The following CNPY3 variants were observed in gnomAD, a reference collection of about 807,000 sequenced individuals.
CNPY3 encodes protein canopy homolog 3.
Under a neutral mutation model 32.0 loss-of-function variants are expected in CNPY3, and 20 were observed. That is an observed-to-expected ratio of 0.63 (90% CI 0.44 to 0.91). The LOEUF is 0.91. Ranked by LOEUF, CNPY3 falls within the 40% of genes least tolerant of loss-of-function variation. The probability of loss-of-function intolerance (pLI) is 0.00; values close to 1 mark genes in which losing one functional copy is unlikely to be tolerated. For synonymous variants in CNPY3, 138 were observed against 142.9 expected (o/e 0.97, Z 0.24); for missense variants, 299 against 340.8 (o/e 0.88, Z 0.97).
intron 1 of CNPY3, 39 bp from the exon 2 acceptor site, chr6:42,934,436 C>T (rs1460694430): frequency 1.2e-6 from 2 of 1,612,770 alleles, no homozygotes; most frequent in African/African-American, 2.7e-5. Context: ...CCATTAGACT[C>T]ATGTGCACTC....
At chr6:42,937,516 C>G (rs1055297487) in intron 3 of CNPY3, among the ~76,000 whole-genome samples, 1 of 151,942 alleles carries the variant, frequency 6.6e-6, no homozygotes, top group Non-Finnish European at 1.5e-5. Flanking sequence ...ATCGCTTGAA[C>G]CTGGGAGGCA....
At chr6:42,929,394 T>G (rs576990909), upstream of CNPY3, 1 of 681,690 alleles carries the variant, frequency 1.5e-6, no homozygotes, top group South Asian at 2.0e-5. Flanking sequence ...TCCGCGGGCC[T>G]TGGTCCGCTT....
At chr6:42,929,448 A>C, upstream of CNPY3, 3 of 1,022,784 alleles carry the variant, frequency 2.9e-6, no homozygotes, top group Non-Finnish European at 4.1e-6. Flanking sequence ...GCGGGAGGCT[A>C]GCTGTTGTCG....
chr6:42,936,173 G>GT (rs1277754138), intron 3 of CNPY3, among the ~76,000 whole-genome samples: 1 of 152,196 alleles, frequency 6.6e-6, no homozygotes, highest in Non-Finnish European at 1.5e-5. Flanking sequence ...AAGGCCCATA[G>GT]TTCTTACTCT....
At chr6:42,928,729 G>C (rs1767533694), upstream of CNPY3, among the ~76,000 whole-genome samples, 1 of 152,094 alleles carries the variant, frequency 6.6e-6, no homozygotes, top group African/African-American at 2.4e-5. Flanking sequence ...ATAAATAATA[G>C]GGCAGTAAAA....
chr6:42,934,598 C>T lies in CNPY3; in HGVS notation c.275C>T (p.Ser92Leu), dbSNP rs556172653. The T allele has an allele frequency of 1.2e-5, 20 of 1,613,720 alleles. No homozygotes were observed. The highest frequency in any genetic ancestry group is 5.5e-5 in the South Asian group (5 of 91,036). ...GCCTCTGGAGTCAAATACACCAAGT[C>T]GTAAGTGAATGGGGACTCACTGGCC... ...QKASGVKYTK[S>L]DLRLIEVTET... Residue 92 changes from serine (S) to leucine (L), a missense_variant and splice_region_variant, in exon 2 of 6, where the codon TCG becomes TTG. Coordinates refer to ENST00000372836, the MANE Select transcript of CNPY3 (RefSeq NM_006586.5).
chr6:42,929,199 C>G (rs779734696), upstream of CNPY3: 1 of 133,662 alleles, frequency 7.5e-6, no homozygotes, highest in Non-Finnish European at 1.3e-5. Flanking sequence ...CAGGCCCAGA[C>G]GCAGGCTTCT....
At chr6:42,938,494 C>A in intron 5 of CNPY3, 74 bp from the exon 6 acceptor site, 1 of 1,396,814 alleles carries the variant, frequency 7.2e-7, no homozygotes, top group Non-Finnish European at 9.8e-7. Context: ...CCACGGCTCC[C>A]TGCTCAGTGC....
chr6:42,930,077 G>A (rs1401032552), intron 1 of CNPY3, among the ~76,000 whole-genome samples: 1 of 152,144 alleles, frequency 6.6e-6, no homozygotes, highest in Non-Finnish European at 1.5e-5. Context: ...CATACAGGAA[G>A]CACGAAGAGG....
At chr6:42,931,734 T>TA (rs1767839954) in intron 1 of CNPY3, among the ~76,000 whole-genome samples, 3 of 150,882 alleles carry the variant, frequency 2.0e-5, no homozygotes, top group Admixed American at 6.6e-5. Flanking sequence ...TTATTATTAT[T>TA]TTTTTTTGAG....
chr6:42,937,036 G>A (rs1337023156), intron 3 of CNPY3, among the ~76,000 whole-genome samples: 5 of 152,114 alleles, frequency 3.3e-5, no homozygotes, highest in Non-Finnish European at 7.4e-5. Context: ...CAGAATAAAG[G>A]GTCTACCTGC....
intron 1 of CNPY3, among the ~76,000 whole-genome samples, chr6:42,932,156 C>A (rs1030935226): frequency 6.6e-6 from 1 of 152,094 alleles, no homozygotes; most frequent in African/African-American, 2.4e-5. Flanking sequence ...CCCAGGATCT[C>A]TATATCTCTA....
Position 42,929,557 on chromosome 6 carries a change from G to C in CNPY3, c.-14G>C. On this transcript the variant is annotated 5_prime_UTR_variant, in exon 1 of 6. Transcript: ENST00000372836. ...GAACCGCCCGGTCCTTTAGGGTCCG[G>C]GCCCGGCCGGGCCATGGATTCAATG... 6.4e-7 allele frequency: 1 copy of C among 1,566,094 alleles called. No homozygotes were observed. Among genetic ancestry groups the C allele is most frequent in the South Asian group, 1.2e-5 (1 of 86,568 alleles).
At chr6:42,928,367 C>T (rs1017256147), upstream of CNPY3, among the ~76,000 whole-genome samples, 1 of 151,636 alleles carries the variant, frequency 6.6e-6, no homozygotes, top group Non-Finnish European at 1.5e-5. Flanking sequence ...TGGTCTCGAA[C>T]TCCTGGCCTC....
chr6:42,936,874 G>A (rs1768273397), intron 3 of CNPY3, among the ~76,000 whole-genome samples: 1 of 152,104 alleles, frequency 6.6e-6, no homozygotes, highest in Non-Finnish European at 1.5e-5. Context: ...GCAAAATAGT[G>A]TGTATGCTAT....
intron 1 of CNPY3, 57 bp from the exon 2 acceptor site, chr6:42,934,418 C>T: frequency 1.9e-6 from 3 of 1,602,952 alleles, no homozygotes; most frequent in Non-Finnish European, 2.6e-6. Context: ...TTGCTGGGAG[C>T]TGGCCTCCCA....
At chr6:42,935,484 C>G (rs755259789) in intron 2 of CNPY3, 90 bp from the exon 3 acceptor site, 1 of 1,492,918 alleles carries the variant, frequency 6.7e-7, no homozygotes, top group African/African-American at 1.4e-5. Context: ...GTGAGATGTG[C>G]AGGTGTTGGG....
rs748115994 is a variant in CNPY3 at position 42,929,556 on chromosome 6, G to C, written c.-15G>C. The C allele has an allele frequency of 3.2e-6, 5 of 1,563,680 alleles. No individual in the cohort carries two copies. The Admixed American group carries it at 5.6e-5, about 18-fold the overall frequency. Reference sequence around the variant, plus strand: ...GGAACCGCCCGGTCCTTTAGGGTCCGGGCCCGGCCGGGCCATGGATTCAAT... The same window carrying C: ...GGAACCGCCCGGTCCTTTAGGGTCCCGGCCCGGCCGGGCCATGGATTCAAT... On this transcript the variant is annotated 5_prime_UTR_variant, in exon 1 of 6. Transcript: ENST00000372836.
rs1430965778 is a variant in CNPY3 at position 42,929,575 on chromosome 6, A to T, written c.5A>T (p.Asp2Val). Residue 2 changes from aspartate (D) to valine (V), a missense_variant, in exon 1 of 6, where the codon GAT (aspartate) becomes GTT (valine). Asp to Val is a radical substitution (Grantham distance 152, BLOSUM62 -3). Around this residue, in one of 2 missense-constraint regions of CNPY3, gnomAD observed 88 missense variants for 62.5 expected, o/e 1.41. Coordinates refer to ENST00000372836, the MANE Select transcript of CNPY3 (RefSeq NM_006586.5). M[D>V]SMPEPASRCL... ...GGGTCCGGGCCCGGCCGGGCCATGG[A>T]TTCAATGCCTGAGCCCGCGTCCCGC... 21 of 1,576,206 alleles carry T rather than the reference A, an allele frequency of 1.3e-5. No individual in the cohort carries two copies. In the East Asian group the frequency reaches 4.8e-4, roughly 36 times the overall value.
Sources: gnomAD v4.1 joint callset for allele counts (sites outside exome capture counted in the v4.1 genomes callset) on GRCh38, gnomAD v4.1.1 for gene constraint, gnomAD v4.1.1 regional missense constraint, MANE v1.5 for transcripts, NCBI Gene and HGNC (gene_info 2026-07-23, HGNC 2026-07-21) for gene names.